The following NCKAP5 variants were observed in gnomAD, a reference collection of about 807,000 sequenced individuals.
NCKAP5 encodes NCK associated protein 5.
NCKAP5 carries 92 observed loss-of-function variants against 167.0 expected under a neutral mutation model. That is an observed-to-expected ratio of 0.55 (90% confidence interval 0.47 to 0.66). The LOEUF (loss-of-function observed/expected upper bound fraction) is 0.66, where lower values mean the gene tolerates loss of function less well. Among genes scored for constraint, NCKAP5 ranks in the 30% least tolerant of loss-of-function variants. The probability of loss-of-function intolerance (pLI) is 0.00; values close to 1 mark genes in which losing one functional copy is unlikely to be tolerated. For missense variants in NCKAP5, 2,378 were observed against 2,315.0 expected, an observed-to-expected ratio of 1.03 and a Z score of -0.56; for synonymous variants, 891 against 877.4, an observed-to-expected ratio of 1.02 and a Z score of -0.27.
intron 1 of NCKAP5, among the ~76,000 whole-genome samples, chr2:133,564,089 G>A (rs984189707): frequency 6.6e-6 from 1 of 151,820 alleles, no homozygotes; most frequent in Admixed American, 6.6e-5. Flanking sequence ...AGTGGAGATC[G>A]TGCCATTGCA....
chr2:133,615,508 C>CT, the NCKAP5 span, among the ~76,000 whole-genome samples: 1 of 152,124 alleles, frequency 6.6e-6, no homozygotes, highest in Non-Finnish European at 1.5e-5. Flanking sequence ...GTCCTACTCT[C>CT]TGATAAAACA....
intron 16 of NCKAP5, among the ~76,000 whole-genome samples, chr2:132,734,017 G>A (rs1691279305): frequency 6.6e-6 from 1 of 152,182 alleles, no homozygotes; most frequent in Admixed American, 6.5e-5. Flanking sequence ...ATGGACTCCA[G>A]GATATCTGAA....
At chr2:133,283,910 C>G (rs1426658978) in intron 4 of NCKAP5, among the ~76,000 whole-genome samples, 2 of 152,092 alleles carry the variant, frequency 1.3e-5, no homozygotes, top group African/African-American at 4.8e-5. Flanking sequence ...CGTGCCCGGC[C>G]TTGAAAAGGA....
chr2:132,969,070 C>T (rs2076750525), intron 7 of NCKAP5, among the ~76,000 whole-genome samples: 1 of 152,124 alleles, frequency 6.6e-6, no homozygotes, highest in African/African-American at 2.4e-5. Flanking sequence ...TGGAGTCTCC[C>T]TCTGTTGCCC....
chr2:132,692,796 A>G (rs1686895873), intron 19 of NCKAP5, among the ~76,000 whole-genome samples: 1 of 152,022 alleles, frequency 6.6e-6, no homozygotes, highest in East Asian at 1.9e-4. Context: ...AGCTAAGTTA[A>G]TAAAGTTGAC....
At chr2:133,171,520 T>A (rs557653424) in intron 5 of NCKAP5, among the ~76,000 whole-genome samples, 1 of 152,202 alleles carries the variant, frequency 6.6e-6, no homozygotes, top group African/African-American at 2.4e-5. Flanking sequence ...CAGAGCACTA[T>A]GTCACATGCA....
At chr2:132,752,746 G>A (rs1680220830) in intron 16 of NCKAP5, among the ~76,000 whole-genome samples, 1 of 152,198 alleles carries the variant, frequency 6.6e-6, no homozygotes, top group Admixed American at 6.6e-5. Context: ...TGGCTCACAT[G>A]ATACCAAAGC....
chr2:132,725,662 C>G lies in NCKAP5; in HGVS notation c.5678G>C (p.Gly1893Ala). ...GCTCTTCAGTGCTTTCACTAACTGT[C>G]CCCTTCCAGCTCCAAAACCATTATC... ...YGDNGFGAGR[G>A]QLVKALKSAA... Residue 1893 changes from glycine (G) to alanine (A), a missense_variant, in exon 19 of 20, where the codon GGA becomes GCA. Around this residue, in one of 3 missense-constraint regions of NCKAP5, gnomAD observed 1,325 missense variants for 1,274.5 expected, o/e 1.04. Coordinates refer to ENST00000409261, the MANE Select transcript of NCKAP5 (RefSeq NM_207363.3). The G allele has an allele frequency of 6.2e-7, 1 of 1,612,334 alleles. No homozygotes were observed. Among genetic ancestry groups the G allele is most frequent in the Non-Finnish European group, 8.5e-7 (1 of 1,179,268 alleles).
chr2:133,472,120 C>G (rs190876695), intron 3 of NCKAP5, among the ~76,000 whole-genome samples: 52 of 152,226 alleles, frequency 3.4e-4, no homozygotes, highest in African/African-American at 1.3e-3. Context: ...GCAAATCACC[C>G]CTTTTATATG....
intron 3 of NCKAP5, among the ~76,000 whole-genome samples, chr2:133,400,287 G>GC (rs1324355559): frequency 1.3e-5 from 2 of 151,906 alleles, no homozygotes; most frequent in Non-Finnish European, 2.9e-5. Context: ...GGTACCCGCT[G>GC]CCCCCCTAAA....
Position 132,782,774 on chromosome 2 carries a change from G to A in NCKAP5, c.4037C>T (p.Ser1346Phe). 1.2e-6 allele frequency: 2 copies of A among 1,613,910 alleles called. No homozygotes were observed. The highest frequency in any genetic ancestry group is 1.7e-6 in the Non-Finnish European group (2 of 1,179,828). Residue 1346 changes from serine (S) to phenylalanine (F), a missense_variant, in exon 14 of 20, where the codon TCC (serine) becomes TTC (phenylalanine). By Grantham distance (155) the Ser-to-Phe change is radical. Coordinates refer to ENST00000409261, the MANE Select transcript of NCKAP5 (RefSeq NM_207363.3). ...GCTCCCCAGGGAGCCCTTCCCGGAG[G>A]AGGGGTGCCCCGAGGGCCTCCCAAC... is the stretch of plus-strand genomic sequence containing the variant. ...PSVGRPSGHP[S>F]SGKGSLGSSG...
intron 2 of NCKAP5, among the ~76,000 whole-genome samples, chr2:133,531,695 G>T (rs1401205687): frequency 1.3e-5 from 2 of 152,066 alleles, no homozygotes; most frequent in Admixed American, 1.3e-4. Flanking sequence ...GAATGGGATT[G>T]ATTTCTTTGT....
chr2:133,410,147 G>T (rs1688683361), intron 3 of NCKAP5, among the ~76,000 whole-genome samples: 1 of 152,220 alleles, frequency 6.6e-6, no homozygotes, highest in South Asian at 2.1e-4. Context: ...TGCCAAGTAT[G>T]AAGTAGAATG....
intron 3 of NCKAP5, among the ~76,000 whole-genome samples, chr2:133,434,389 C>T (rs529934275): frequency 2.1e-4 from 32 of 152,278 alleles, no homozygotes; most frequent in African/African-American, 7.5e-4. Flanking sequence ...CCCTGGAGAT[C>T]GTACTTGAGT....
the NCKAP5 span, among the ~76,000 whole-genome samples, chr2:133,657,832 G>A: frequency 6.6e-6 from 1 of 152,118 alleles, no homozygotes; most frequent in Admixed American, 6.6e-5. Context: ...CTGAGTCAGA[G>A]CTCAGCTATT....
intron 4 of NCKAP5, among the ~76,000 whole-genome samples, chr2:133,231,746 A>G (rs1233357327): frequency 6.6e-6 from 1 of 152,118 alleles, no homozygotes; most frequent in Non-Finnish European, 1.5e-5. Context: ...GGCAAATAAA[A>G]CCAAAAGTTA....
At chr2:133,582,570 T>C in the NCKAP5 span, among the ~76,000 whole-genome samples, 1 of 152,204 alleles carries the variant, frequency 6.6e-6, no homozygotes, top group Non-Finnish European at 1.5e-5. Context: ...TAATCAGTGC[T>C]TTGCTGTAGT....
chr2:133,336,832 C>T (rs1282209942), intron 3 of NCKAP5, among the ~76,000 whole-genome samples: 1 of 152,118 alleles, frequency 6.6e-6, no homozygotes, highest in Admixed American at 6.6e-5. Flanking sequence ...TTGATTTCAT[C>T]TCCAAAAGTG....
At chr2:133,247,960 C>A (rs80192542) in intron 4 of NCKAP5, among the ~76,000 whole-genome samples, 2,197 of 152,290 alleles carry the variant, frequency 0.014, 19 homozygotes, top group Middle Eastern at 0.051. Context: ...AGTCTCCCTG[C>A]CAATGAGGTC....
Sources: allele counts gnomAD v4.1 joint callset (sites outside exome capture counted in the v4.1 genomes callset), GRCh38; gene constraint gnomAD v4.1.1; regional missense constraint gnomAD v4.1.1; transcripts MANE v1.5; gene names NCBI Gene and HGNC (gene_info 2026-07-23, HGNC 2026-07-21).